GRID1: variants seen among roughly 807,000 people sequenced by gnomAD.
GRID1 encodes glutamate ionotropic receptor delta type subunit 1.
A neutral mutation model predicts 98.0 loss-of-function variants in GRID1; 28 were observed. That is an observed-to-expected ratio of 0.29 (90% confidence interval 0.21 to 0.39). The LOEUF (loss-of-function observed/expected upper bound fraction) is 0.39. Ranked by LOEUF, GRID1 falls within the 10% of genes least tolerant of loss-of-function variation. The pLI, the probability that GRID1 is intolerant of heterozygous loss-of-function variation, is 1.00. For missense variants in GRID1, 1,111 were observed against 1,340.5 expected, an observed-to-expected ratio of 0.83 and a Z score of 2.67; for synonymous variants, 553 against 538.5, an observed-to-expected ratio of 1.03 and a Z score of -0.37.
chr10:86,055,458 T>C (rs1843559802), intron 4 of GRID1, among the ~76,000 whole-genome samples: 5 of 152,122 alleles, frequency 3.3e-5, no homozygotes, highest in Admixed American at 3.3e-4. Flanking sequence ...CATGATGGGA[T>C]TAGTGCTCTT....
intron 4 of GRID1, among the ~76,000 whole-genome samples, chr10:86,036,408 C>A (rs1422902382): frequency 2.0e-5 from 3 of 152,184 alleles, no homozygotes; most frequent in Non-Finnish European, 4.4e-5. Flanking sequence ...CCCAACCCTG[C>A]ACCCTGGCAG....
At chr10:85,932,051 G>C (rs1841860951) in intron 4 of GRID1, among the ~76,000 whole-genome samples, 1 of 152,138 alleles carries the variant, frequency 6.6e-6, no homozygotes, top group African/African-American at 2.4e-5. Flanking sequence ...AATTTTTCCT[G>C]GTTTGTACCA....
At chr10:85,955,985 C>T (rs139280625) in intron 4 of GRID1, among the ~76,000 whole-genome samples, 2 of 152,256 alleles carry the variant, frequency 1.3e-5, no homozygotes, top group East Asian at 3.9e-4. Context: ...ATGAGCTTGA[C>T]CCACTCGAGT....
chr10:85,677,084 A>T (rs1307664609), intron 12 of GRID1, among the ~76,000 whole-genome samples: 1 of 152,208 alleles, frequency 6.6e-6, no homozygotes, highest in African/African-American at 2.4e-5. Context: ...GGAATGTGTG[A>T]CAGAGCTCCT....
At chr10:85,860,213 G>A (rs1471569016) in intron 6 of GRID1, among the ~76,000 whole-genome samples, 1 of 152,176 alleles carries the variant, frequency 6.6e-6, no homozygotes, top group Non-Finnish European at 1.5e-5. Flanking sequence ...ATTAGCAAAG[G>A]TAAGGCAAGC....
chr10:86,176,812 T>C (rs1845582033), intron 3 of GRID1, among the ~76,000 whole-genome samples: 2 of 152,072 alleles, frequency 1.3e-5, no homozygotes, highest in Non-Finnish European at 2.9e-5. Flanking sequence ...TGAGGGACTG[T>C]AATGGTGCAG....
intron 8 of GRID1, among the ~76,000 whole-genome samples, chr10:85,775,884 C>G (rs181775106): frequency 3.2e-4 from 49 of 152,176 alleles, no homozygotes; most frequent in African/African-American, 1.2e-3. Flanking sequence ...GGGTGGGGAG[C>G]AGGACTTTCA....
chr10:85,750,468 A>T (rs1842036049), intron 8 of GRID1, among the ~76,000 whole-genome samples: 1 of 152,240 alleles, frequency 6.6e-6, no homozygotes. Flanking sequence ...ACCAGAGCAA[A>T]TACTTTCACA....
At chr10:86,053,840 ACACATGCTCATATGTGTGCATAAG>A (rs1375410490) in intron 4 of GRID1, among the ~76,000 whole-genome samples, 1 of 152,210 alleles carries the variant, frequency 6.6e-6, no homozygotes, top group Non-Finnish European at 1.5e-5. Context: ...GCATGGGCAC[ACACATGCTCATATGTGTGCATAAG>A]CACATGCTCA....
rs1843050890 is a variant in GRID1, at chr10:85,850,775, C to G, written c.1233+3721G>C. On this transcript the variant is annotated intron_variant, in intron 8 of 15. Coordinates refer to ENST00000327946, the MANE Select transcript of GRID1 (RefSeq NM_017551.3). ...TGCACAGTGTCATTACACTGACTGA[C>G]CCCTCCATCCAACAATTAGGCTCAT... is the stretch of plus-strand genomic sequence containing the variant. Among the ~76,000 whole-genome samples the G allele has an allele frequency of 8.5e-5, 13 of 152,320 alleles. No individual in the cohort carries two copies. The South Asian group carries it at 2.7e-3, about 32-fold the overall frequency.
chr10:85,825,305 T>G (rs1432015944), intron 8 of GRID1, among the ~76,000 whole-genome samples: 1 of 152,236 alleles, frequency 6.6e-6, no homozygotes, highest in Non-Finnish European at 1.5e-5. Flanking sequence ...TGAGCATTTT[T>G]TCATGTTTGT....
At chr10:85,837,180 C>T (rs1055096160) in intron 8 of GRID1, among the ~76,000 whole-genome samples, 3 of 152,048 alleles carry the variant, frequency 2.0e-5, no homozygotes, top group Non-Finnish European at 4.4e-5. Context: ...TGTGCTAATG[C>T]TGCACAGAGA....
chr10:86,308,830 C>A (rs977062449), intron 2 of GRID1, among the ~76,000 whole-genome samples: 11 of 152,136 alleles, frequency 7.2e-5, no homozygotes, highest in Admixed American at 2.6e-4. Flanking sequence ...GAGGGCCTAC[C>A]TCACTTCGGT....
intron 14 of GRID1, among the ~76,000 whole-genome samples, chr10:85,615,501 T>A (rs190888634): frequency 6.6e-6 from 1 of 152,338 alleles, no homozygotes; most frequent in Admixed American, 6.5e-5. Context: ...AAAACTTGAC[T>A]AAGATGGCTG....
intron 2 of GRID1, among the ~76,000 whole-genome samples, chr10:86,314,851 G>T (rs143490795): frequency 1.3e-5 from 2 of 152,292 alleles, no homozygotes; most frequent in African/African-American, 4.8e-5. Flanking sequence ...GCATCAGAAA[G>T]GCCACATGGT....
chr10:86,335,678 T>C (rs1374718833), intron 2 of GRID1, among the ~76,000 whole-genome samples: 1 of 152,220 alleles, frequency 6.6e-6, no homozygotes, highest in East Asian at 1.9e-4. Flanking sequence ...TTCACTGCTA[T>C]ATCCCCTGCA....
At chr10:86,340,312 G>A (rs534203601) in intron 2 of GRID1, among the ~76,000 whole-genome samples, 4 of 152,282 alleles carry the variant, frequency 2.6e-5, no homozygotes, top group African/African-American at 4.8e-5. Flanking sequence ...GCAAAATATC[G>A]GACAGGAAAG....
intron 8 of GRID1, among the ~76,000 whole-genome samples, chr10:85,777,553 ATTG>A (rs1842343647): frequency 1.3e-5 from 2 of 152,316 alleles, no homozygotes; most frequent in South Asian, 2.1e-4. Flanking sequence ...CCCATGTCAT[ATTG>A]TTGTCTTGTT....
intron 4 of GRID1, among the ~76,000 whole-genome samples, chr10:86,058,290 C>T (rs1843602450): frequency 1.3e-5 from 2 of 152,246 alleles, no homozygotes; most frequent in Middle Eastern, 3.4e-3. Flanking sequence ...TTCTGTGTGA[C>T]CTTCTAGTTG....
Sources: gnomAD v4.1 joint callset for allele counts (sites outside exome capture counted in the v4.1 genomes callset) on GRCh38, gnomAD v4.1.1 for gene constraint, MANE v1.5 for transcripts, NCBI Gene and HGNC (gene_info 2026-07-23, HGNC 2026-07-21) for gene names.